Variants in HIVEP2 observed in about 807,000 individuals in gnomAD.
The protein encoded by HIVEP2 is HIVEP zinc finger 2.
Under a neutral mutation model 180.7 loss-of-function variants are expected in HIVEP2, and 14 were observed. That is an observed-to-expected ratio of 0.08 (90% CI 0.05 to 0.12). The LOEUF (loss-of-function observed/expected upper bound fraction) is 0.12. Ranked by LOEUF, HIVEP2 falls within the 10% of genes least tolerant of loss-of-function variation. HIVEP2 has a pLI of 1.00. For missense variants in HIVEP2, 2,579 were observed against 3,008.5 expected (o/e 0.86, Z 3.34); for synonymous variants, 1,184 against 1,136.4 (o/e 1.04, Z -0.84).
At chr6:142,820,252 G>T (rs1776992658) in intron 2 of HIVEP2, among the ~76,000 whole-genome samples, 1 of 151,336 alleles carries the variant, frequency 6.6e-6, no homozygotes, top group South Asian at 2.1e-4. Flanking sequence ...TACGAAGACT[G>T]ATTAATTGTC....
At chr6:142,814,561 G>C (rs999079751) in intron 2 of HIVEP2, among the ~76,000 whole-genome samples, 1 of 152,096 alleles carries the variant, frequency 6.6e-6, no homozygotes, top group South Asian at 2.1e-4. Context: ...TTTGGGAATC[G>C]GTTATATGTG....
chr6:142,806,467 T>C (rs557004), intron 2 of HIVEP2, among the ~76,000 whole-genome samples: 87,966 of 152,014 alleles, frequency 0.58, 26,858 homozygotes, highest in Non-Finnish European at 0.68. Context: ...GGAGAACTAT[T>C]AATACTTAAT....
At chr6:142,936,472 G>T (rs1395338008) in intron 1 of HIVEP2, among the ~76,000 whole-genome samples, 4 of 151,842 alleles carry the variant, frequency 2.6e-5, no homozygotes, top group African/African-American at 7.3e-5. Context: ...TTACAGCCGT[G>T]AGCCACCGCC....
chr6:142,756,152 C>T (rs197469), intron 9 of HIVEP2, among the ~76,000 whole-genome samples: 105,671 of 152,124 alleles, frequency 0.69, 37,903 homozygotes, highest in African/African-American at 0.88. Flanking sequence ...TATCTATATA[C>T]ACATCTATAC....
chr6:142,774,638 A>T lies in HIVEP2; in HGVS notation c.101T>A (p.Ile34Asn), dbSNP rs766771618. 6.2e-7 allele frequency: 1 copy of T among 1,614,192 alleles called. No individual in the cohort carries two copies. ...GRWRQEQSAV[I>N]KMSTFGSHEG... ...ATGACTGCCAAAAGTGCTCATCTTA[A>T]TAACAGCTGATTGTTCCTGTCTCCA... The change falls in exon 5 of 10, where the codon ATT (isoleucine) becomes AAT (asparagine). Residue 34 changes from isoleucine (I) to asparagine (N), a missense_variant. By Grantham distance (149) the Ile-to-Asn change is moderately radical (BLOSUM62 -3). This residue lies in a region of HIVEP2 where 207 missense variants were observed against 210.1 expected (regional missense o/e 0.99). Coordinates refer to ENST00000367603, the MANE Select transcript of HIVEP2 (RefSeq NM_006734.4). This position sits in a 1 kb window ranked among gnomAD's most constrained non-coding sequence, Gnocchi z 5.1.
intron 1 of HIVEP2, among the ~76,000 whole-genome samples, chr6:142,900,038 T>C (rs1477622526): frequency 1.3e-5 from 2 of 152,190 alleles, no homozygotes; most frequent in African/African-American, 4.8e-5. Flanking sequence ...TAAACCTTAA[T>C]ATAATGTTAA....
intron 1 of HIVEP2, among the ~76,000 whole-genome samples, chr6:142,855,620 A>C (rs1283615475): frequency 6.6e-6 from 1 of 152,202 alleles, no homozygotes; most frequent in Non-Finnish European, 1.5e-5. Context: ...CCTCTCAACT[A>C]TACTGAATTA....
intron 9 of HIVEP2, among the ~76,000 whole-genome samples, chr6:142,758,050 G>A (rs766803076): frequency 2.6e-5 from 4 of 152,186 alleles, no homozygotes; most frequent in African/African-American, 7.2e-5. Flanking sequence ...GCATCACTGC[G>A]TGTATACCAG....
intron 1 of HIVEP2, among the ~76,000 whole-genome samples, chr6:142,917,725 A>ATTTC (rs577121552): frequency 2.6e-5 from 4 of 152,174 alleles, no homozygotes; most frequent in Non-Finnish European, 5.9e-5. Flanking sequence ...TTCTGCTCTT[A>ATTTC]TCAGATAAAG....
At chr6:142,917,091 ATTAAC>A (rs1232685825) in intron 1 of HIVEP2, among the ~76,000 whole-genome samples, 8 of 152,238 alleles carry the variant, frequency 5.3e-5, no homozygotes, top group African/African-American at 1.9e-4. Flanking sequence ...ATAAGCAATT[ATTAAC>A]TTATGTCACT....
rs1207366112 is a variant in HIVEP2 at position 142,817,891 on chromosome 6, A to G, written c.-528+19044T>C. ...CCTGGTGGCACATGCCTGTAATCCC[A>G]GCTACCCGGGAGGCTGAGGCAGGAG... On this transcript the variant is annotated intron_variant, in intron 2 of 9. Transcript: ENST00000367603. Among the ~76,000 whole-genome samples the G allele has an allele frequency of 2.6e-5, 4 of 151,976 alleles. No homozygotes were observed. In the East Asian group the frequency reaches 5.8e-4, roughly 22 times the overall value.
chr6:142,938,544 C>T (rs1778106412), intron 1 of HIVEP2, among the ~76,000 whole-genome samples: 1 of 152,206 alleles, frequency 6.6e-6, no homozygotes, highest in Non-Finnish European at 1.5e-5. Context: ...TGAGAATTCA[C>T]GCTGTATTTA....
chr6:142,862,399 T>A (rs568372911), intron 1 of HIVEP2, among the ~76,000 whole-genome samples: 2 of 147,710 alleles, frequency 1.4e-5, no homozygotes, highest in African/African-American at 5.0e-5. Flanking sequence ...ATTACATATT[T>A]TATAATACAT....
intron 2 of HIVEP2, among the ~76,000 whole-genome samples, chr6:142,829,198 C>T (rs1168644725): frequency 1.3e-5 from 2 of 152,136 alleles, no homozygotes; most frequent in African/African-American, 4.8e-5. Context: ...GTGCTAATTA[C>T]ATTCCAGACG....
chr6:142,818,405 G>A (rs939485396), intron 2 of HIVEP2, among the ~76,000 whole-genome samples: 3 of 152,072 alleles, frequency 2.0e-5, no homozygotes, highest in South Asian at 2.1e-4. Flanking sequence ...AGCCGGGCAC[G>A]GTGGCTCACG....
intron 1 of HIVEP2, among the ~76,000 whole-genome samples, chr6:142,881,472 ATGT>A (rs1188946561): frequency 1.3e-5 from 2 of 152,202 alleles, no homozygotes; most frequent in Non-Finnish European, 2.9e-5. Flanking sequence ...GGCCCTACAC[ATGT>A]TATTAGAGTA....
chr6:142,918,275 A>G (rs951497318), intron 1 of HIVEP2, among the ~76,000 whole-genome samples: 1 of 152,090 alleles, frequency 6.6e-6, no homozygotes, highest in African/African-American at 2.4e-5. Context: ...CAAAGTCCTG[A>G]CCTCAGGTGA....
At chr6:142,915,336 C>A (rs184905681) in intron 1 of HIVEP2, among the ~76,000 whole-genome samples, 4 of 152,118 alleles carry the variant, frequency 2.6e-5, no homozygotes, top group African/African-American at 9.7e-5. Context: ...ACAGAAATGG[C>A]GAACACTACA....
chr6:142,770,806 C>T lies in HIVEP2; in HGVS notation c.3933G>A (p.Glu1311=). The change falls in exon 5 of 10, where the codon GAG becomes GAA. Residue 1311 remains glutamate (E), a synonymous_variant. Transcript: ENST00000367603. This position sits in a 1 kb window ranked among gnomAD's most constrained non-coding sequence, Gnocchi z 4.7. ...AGGCAAAATCTTCTTGAAGAACCTG[C>T]TCAGAGGGCGTTTCAGTTGACTTAC... The part of the protein sequence containing the change: ...QSSKSTETPS[E]QVLQEDFASA... The T allele has an allele frequency of 6.2e-7, 1 of 1,614,228 alleles. No individual in the cohort carries two copies. Among genetic ancestry groups the T allele is most frequent in the Non-Finnish European group, 8.5e-7 (1 of 1,180,052 alleles).
Sources: gnomAD v4.1 joint callset for allele counts (sites outside exome capture counted in the v4.1 genomes callset) on GRCh38, gnomAD v4.1.1 for gene constraint, gnomAD v4.1.1 regional missense constraint, Gnocchi (gnomAD v3.1) non-coding constraint, MANE v1.5 for transcripts, NCBI Gene and HGNC (gene_info 2026-07-23, HGNC 2026-07-21) for gene names.